Variants in GRIK1 observed in about 807,000 individuals in gnomAD.
GRIK1 encodes the protein glutamate receptor ionotropic, kainate 1.
GRIK1 carries 69 observed loss-of-function variants against 105.7 expected under a neutral mutation model. The ratio of observed to expected loss-of-function variants is 0.65; its 90% CI spans 0.54 to 0.80. GRIK1 has a LOEUF of 0.80. Among genes scored for constraint, GRIK1 ranks in the 30% least tolerant of loss-of-function variants. GRIK1 has a pLI of 0.00. For missense variants in GRIK1, 1,109 were observed against 1,167.3 expected (o/e 0.95, Z 0.73); for synonymous variants, 438 against 431.3 (o/e 1.02, Z -0.19).
chr21:29,687,042 A>G (rs991568911), intron 3 of GRIK1, among the ~76,000 whole-genome samples: 3 of 152,190 alleles, frequency 2.0e-5, no homozygotes, highest in Non-Finnish European at 2.9e-5. Context: ...GCGAGACGAA[A>G]CTTTGCTCCT....
At chr21:29,814,058 G>T (rs921256494) in intron 1 of GRIK1, among the ~76,000 whole-genome samples, 1 of 148,510 alleles carries the variant, frequency 6.7e-6, no homozygotes, top group Non-Finnish European at 1.5e-5. Context: ...GGGATTACAG[G>T]TGCGTGCCAC....
intron 7 of GRIK1, among the ~76,000 whole-genome samples, chr21:29,609,805 G>A (rs944748891): frequency 6.6e-6 from 1 of 152,054 alleles, no homozygotes; most frequent in Admixed American, 6.6e-5. Context: ...GGCAGGTCAT[G>A]GGACTTCTCT....
At chr21:29,653,132 G>C (rs1027047272) in intron 5 of GRIK1, among the ~76,000 whole-genome samples, 2 of 152,102 alleles carry the variant, frequency 1.3e-5, no homozygotes, top group African/African-American at 2.4e-5. Context: ...TAAAATCAGA[G>C]GAAAAGGATG....
At chr21:29,777,261 C>G (rs940465321) in intron 1 of GRIK1, among the ~76,000 whole-genome samples, 1 of 152,158 alleles carries the variant, frequency 6.6e-6, no homozygotes, top group East Asian at 1.9e-4. Context: ...ACCTGAAGTA[C>G]TTGCTAAAAC....
At chr21:29,850,801 G>C (rs1346746270) in intron 1 of GRIK1, among the ~76,000 whole-genome samples, 3 of 152,040 alleles carry the variant, frequency 2.0e-5, no homozygotes, top group Non-Finnish European at 4.4e-5. Flanking sequence ...GTATAACAGG[G>C]GAAATAGTAT....
chr21:29,859,445 T>C (rs1224862811), intron 1 of GRIK1, among the ~76,000 whole-genome samples: 1 of 151,688 alleles, frequency 6.6e-6, no homozygotes. Flanking sequence ...TCATTATTGA[T>C]AGGAATAATG....
chr21:29,747,401 A>C (rs1340536931), intron 1 of GRIK1, among the ~76,000 whole-genome samples: 1 of 152,184 alleles, frequency 6.6e-6, no homozygotes, highest in African/African-American at 2.4e-5. Flanking sequence ...TTCTCTTTAC[A>C]TGATCAGGAA....
chr21:29,808,747 C>T (rs2066929718), intron 1 of GRIK1, among the ~76,000 whole-genome samples: 1 of 152,152 alleles, frequency 6.6e-6, no homozygotes, highest in South Asian at 2.1e-4. Context: ...TTCTGATTCT[C>T]AGCTTTCAGA....
intron 10 of GRIK1, among the ~76,000 whole-genome samples, chr21:29,589,262 C>T (rs150737968): frequency 7.6e-4 from 115 of 152,230 alleles, no homozygotes; most frequent in African/African-American, 2.1e-3. Context: ...GCTTTTCCTT[C>T]CGCTGTGGAG....
At chr21:29,780,480 C>A (rs971777307) in intron 1 of GRIK1, among the ~76,000 whole-genome samples, 1 of 152,114 alleles carries the variant, frequency 6.6e-6, no homozygotes, top group Non-Finnish European at 1.5e-5. Flanking sequence ...TTATTAAAGC[C>A]AACAAGTACC....
At chr21:29,739,171 C>T (rs1048513896) in intron 1 of GRIK1, among the ~76,000 whole-genome samples, 12 of 151,974 alleles carry the variant, frequency 7.9e-5, no homozygotes, top group East Asian at 3.9e-4. Context: ...ACAAATAAAG[C>T]GGAATGAGGG....
rs138744929 is a variant in GRIK1, at chr21:29,629,650, C to T, written c.1098+13176G>A. Among the ~76,000 whole-genome samples the T allele has an allele frequency of 4.3e-3, 651 of 152,104 alleles. 3 individuals carry two copies. The highest frequency in any genetic ancestry group is 0.015 in the African/African-American group (610 of 41,482). On this transcript the variant is annotated intron_variant, in intron 7 of 17. Coordinates refer to ENST00000327783, the MANE Select transcript of GRIK1 (RefSeq NM_001330994.2). ...GACTAGAGGCGCCCGCCACCACGCC[C>T]GGCTAATTTTTTGTGTTTTCAGTAG...
chr21:29,608,925 A>G (rs2832409), intron 7 of GRIK1, among the ~76,000 whole-genome samples: 78,764 of 151,706 alleles, frequency 0.52, 23,248 homozygotes, highest in African/African-American at 0.81. Flanking sequence ...ACCTTTGAAA[A>G]CCAGGTGTTG....
At chr21:29,762,052 C>T (rs952486126) in intron 1 of GRIK1, among the ~76,000 whole-genome samples, 6 of 152,172 alleles carry the variant, frequency 3.9e-5, no homozygotes, top group Admixed American at 1.3e-4. Context: ...TGGCAAGAAA[C>T]GTTTCTATCG....
intron 1 of GRIK1, among the ~76,000 whole-genome samples, chr21:29,761,777 A>C (rs1024674490): frequency 3.7e-5 from 3 of 80,936 alleles, no homozygotes; most frequent in African/African-American, 1.4e-4. Context: ...CTCACAGTTT[A>C]GCTCTTGTTG....
rs1246643078 is a variant in GRIK1 at position 29,779,751 on chromosome 21, A to T, written c.119-85688T>A. Among the ~76,000 whole-genome samples, 3 of 152,194 alleles carry T rather than the reference A, an allele frequency of 2.0e-5. No homozygotes were observed. In the East Asian group the frequency reaches 5.8e-4, roughly 29 times the overall value. ...TTAGCTAGGCTCCAAAAATTCCACT[A>T]ATTTACTATGTGATAATATCGTTTT... On this transcript the variant is annotated intron_variant, in intron 1 of 17. Transcript: ENST00000327783.
rs553127833 is a variant in GRIK1 at position 29,715,109 on chromosome 21, G to C, written c.119-21046C>G. Among the ~76,000 whole-genome samples, 3 of 152,302 alleles carry C rather than the reference G, an allele frequency of 2.0e-5. No homozygotes were observed. The East Asian group carries it at 5.8e-4, about 29-fold the overall frequency. ...ACCTATCTCTCATAAATGCCCTATA[G>C]GATTGGGTTGAAGTCCCTTCCCATT... On this transcript the variant is annotated intron_variant, in intron 1 of 17. Coordinates refer to ENST00000327783, the MANE Select transcript of GRIK1 (RefSeq NM_001330994.2).
chr21:29,598,062 C>T (rs1052091911), intron 8 of GRIK1, among the ~76,000 whole-genome samples: 1 of 152,074 alleles, frequency 6.6e-6, no homozygotes, highest in Non-Finnish European at 1.5e-5. Flanking sequence ...TTGGGGGTTT[C>T]AATTGTTTTT....
At chr21:29,639,288 T>C (rs950530639) in intron 7 of GRIK1, among the ~76,000 whole-genome samples, 3 of 152,234 alleles carry the variant, frequency 2.0e-5, no homozygotes, top group Non-Finnish European at 2.9e-5. Context: ...GCTTATTCTA[T>C]GTCCAGCATT....
Sources: gnomAD v4.1 joint callset for allele counts (sites outside exome capture counted in the v4.1 genomes callset) on GRCh38, gnomAD v4.1.1 for gene constraint, MANE v1.5 for transcripts, NCBI Gene and HGNC (gene_info 2026-07-23, HGNC 2026-07-21) for gene names.